The following FAM184B variants were observed in gnomAD, a reference collection of about 807,000 sequenced individuals.
The protein encoded by FAM184B is family with sequence similarity 184 member B, also known as protein FAM184B.
A neutral mutation model predicts 135.9 loss-of-function variants in FAM184B; 111 were observed. The observed-to-expected ratio is 0.82, with a 90% CI of 0.70 to 0.96. FAM184B has a LOEUF of 0.96. FAM184B is among the 40% of genes least tolerant of loss of function. FAM184B has a pLI of 0.00. For synonymous variants in FAM184B, 552 were observed against 524.8 expected (o/e 1.05, Z -0.71); for missense variants, 1,375 against 1,323.9 (o/e 1.04, Z -0.60).
At chr4:17,643,188 C>G (rs1015889261) in intron 12 of FAM184B, among the ~76,000 whole-genome samples, 12 of 152,202 alleles carry the variant, frequency 7.9e-5, no homozygotes, top group Non-Finnish European at 1.5e-4. Flanking sequence ...CCTCTTGGGT[C>G]TCTGGGTGGG....
intron 9 of FAM184B, among the ~76,000 whole-genome samples, chr4:17,659,175 G>T (rs1715853465): frequency 6.7e-6 from 1 of 150,286 alleles, no homozygotes; most frequent in Non-Finnish European, 1.5e-5. Context: ...GTGTGATCAC[G>T]ACTCACGGCA....
At chr4:17,779,406 C>A (rs188687108) in intron 1 of FAM184B, among the ~76,000 whole-genome samples, 1 of 152,166 alleles carries the variant, frequency 6.6e-6, no homozygotes, top group Non-Finnish European at 1.5e-5. Flanking sequence ...GGATCAATTG[C>A]GATTTCTAAT....
At chr4:17,757,323 A>G (rs1394010906) in intron 1 of FAM184B, among the ~76,000 whole-genome samples, 1 of 152,182 alleles carries the variant, frequency 6.6e-6, no homozygotes, top group Non-Finnish European at 1.5e-5. Flanking sequence ...AATCTAAAAG[A>G]CATATCAACG....
intron 1 of FAM184B, among the ~76,000 whole-genome samples, chr4:17,767,493 A>C (rs1285088489): frequency 4.6e-5 from 7 of 152,260 alleles, no homozygotes; most frequent in Non-Finnish European, 1.0e-4. Flanking sequence ...CAGAGAAGTG[A>C]AAAAGACTGG....
At chr4:17,638,291 C>A (rs1044896742) in intron 14 of FAM184B, among the ~76,000 whole-genome samples, 2 of 151,684 alleles carry the variant, frequency 1.3e-5, no homozygotes, top group African/African-American at 4.8e-5. Flanking sequence ...TGAGCTCAGA[C>A]GATCCTCCCG....
At chr4:17,678,441 C>T (rs1384923967) in intron 7 of FAM184B, among the ~76,000 whole-genome samples, 2 of 150,976 alleles carry the variant, frequency 1.3e-5, no homozygotes, top group Non-Finnish European at 3.0e-5. Context: ...AACAACCAAA[C>T]AAAAAAAACC....
intron 12 of FAM184B, 25 bp downstream of exon 12, chr4:17,647,612 C>G (rs1361308242): frequency 6.5e-7 from 1 of 1,540,420 alleles, no homozygotes; most frequent in African/African-American, 1.4e-5. Context: ...AGGGGTATTG[C>G]TGGTGCAAGG....
intron 1 of FAM184B, among the ~76,000 whole-genome samples, chr4:17,762,691 A>G (rs962302428): frequency 1.3e-5 from 2 of 152,236 alleles, no homozygotes; most frequent in African/African-American, 4.8e-5. Context: ...GTGAGTGACT[A>G]TTTGGTGAAC....
At chr4:17,696,544 G>A (rs1716862172) in intron 5 of FAM184B, among the ~76,000 whole-genome samples, 1 of 152,206 alleles carries the variant, frequency 6.6e-6, no homozygotes, top group Non-Finnish European at 1.5e-5. Context: ...CATCGAGTGT[G>A]CTCACGCCTA....
intron 1 of FAM184B, among the ~76,000 whole-genome samples, chr4:17,752,868 T>G (rs1718333015): frequency 6.6e-6 from 1 of 152,198 alleles, no homozygotes; most frequent in Admixed American, 6.5e-5. Flanking sequence ...CACCAGAGAT[T>G]AAAGCAACAG....
At chr4:17,742,168 A>ATATATATATATTTTT (rs1459958150) in intron 1 of FAM184B, among the ~76,000 whole-genome samples, 4 of 109,310 alleles carry the variant, frequency 3.7e-5, no homozygotes, top group African/African-American at 1.9e-4. Flanking sequence ...ATATATATAT[A>ATATATATATATTTTT]TTTTTTTTTT....
chr4:17,702,958 G>T (rs1047639021), intron 5 of FAM184B, among the ~76,000 whole-genome samples: 2 of 152,208 alleles, frequency 1.3e-5, no homozygotes, highest in African/African-American at 4.8e-5. Flanking sequence ...TACCCAGTGT[G>T]AAGGTGGGGA....
At chr4:17,666,373 A>C (rs1044155452) in intron 7 of FAM184B, among the ~76,000 whole-genome samples, 3 of 141,986 alleles carry the variant, frequency 2.1e-5, no homozygotes, top group African/African-American at 7.9e-5. Flanking sequence ...GCGCAATTTC[A>C]GCTCACTGCA....
chr4:17,733,986 T>A (rs554212003), intron 1 of FAM184B, among the ~76,000 whole-genome samples: 1 of 152,120 alleles, frequency 6.6e-6, no homozygotes, highest in African/African-American at 2.4e-5. Flanking sequence ...AACAGAGATA[T>A]AGATCAATGG....
intron 10 of FAM184B, among the ~76,000 whole-genome samples, chr4:17,658,039 C>T (rs559055799): frequency 7.9e-5 from 12 of 152,256 alleles, no homozygotes; most frequent in Middle Eastern, 3.4e-3. Flanking sequence ...TGTTCATGTA[C>T]GCCACTGCTC....
rs1715151422 is a variant in FAM184B, at chr4:17,636,733, C to G, written c.2667-88G>C. The G allele has an allele frequency of 2.6e-6, 3 of 1,146,724 alleles. No homozygotes were observed. In the South Asian group the frequency reaches 4.6e-5, roughly 18 times the overall value. The allele number at this position is 1,146,724 out of a possible 1,614,324, so 71.0% of individuals were successfully genotyped here. On this transcript the variant is annotated intron_variant, in intron 14 of 17. Coordinates refer to ENST00000265018, the MANE Select transcript of FAM184B (RefSeq NM_015688.2). ...CAAGTGCACACGATGGGAATGCCAT[C>G]CTGTGTTCAGCCCGGCCAGGGAGGC...
At chr4:17,762,964 C>CTA (rs1718579037) in intron 1 of FAM184B, among the ~76,000 whole-genome samples, 1 of 152,168 alleles carries the variant, frequency 6.6e-6, no homozygotes, top group Non-Finnish European at 1.5e-5. Context: ...CTCCTCATTG[C>CTA]CCTGGCCTAC....
At chr4:17,773,067 T>C (rs1285549133) in intron 1 of FAM184B, among the ~76,000 whole-genome samples, 1 of 152,178 alleles carries the variant, frequency 6.6e-6, no homozygotes, top group African/African-American at 2.4e-5. Context: ...CACCTCCCTC[T>C]CTTCAACACA....
intron 10 of FAM184B, among the ~76,000 whole-genome samples, chr4:17,657,317 C>G (rs1715797665): frequency 6.6e-6 from 1 of 152,234 alleles, no homozygotes; most frequent in African/African-American, 2.4e-5. Context: ...TTCCAGAGCC[C>G]TCAGTTCCTT....
Sources: allele counts gnomAD v4.1 joint callset (sites outside exome capture counted in the v4.1 genomes callset), GRCh38; gene constraint gnomAD v4.1.1; transcripts MANE v1.5; gene names NCBI Gene and HGNC (gene_info 2026-07-23, HGNC 2026-07-21).